The following TLL2 variants were observed in gnomAD, a reference collection of about 807,000 sequenced individuals.
The protein encoded by TLL2 is tolloid-like protein 2.
In TLL2, 106 loss-of-function variants were observed where a neutral mutation model predicts 123.0. The ratio of observed to expected loss-of-function variants is 0.86; its 90% CI spans 0.74 to 1.01. TLL2 has a LOEUF of 1.01. Ranked by LOEUF, TLL2 falls within the 50% of genes least tolerant of loss-of-function variation. The pLI, the probability that TLL2 is intolerant of heterozygous loss-of-function variation, is 0.00. For synonymous variants in TLL2, 494 were observed against 516.8 expected, an observed-to-expected ratio of 0.96 and a Z score of 0.60; for missense variants, 1,332 against 1,336.7, an observed-to-expected ratio of 1.00 and a Z score of 0.06.
chr10:96,455,473 C>G (rs1847003984), intron 2 of TLL2, among the ~76,000 whole-genome samples: 1 of 152,136 alleles, frequency 6.6e-6, no homozygotes, highest in Non-Finnish European at 1.5e-5. Flanking sequence ...TTCTTAGTCA[C>G]AGGATGAGAT....
intron 19 of TLL2, among the ~76,000 whole-genome samples, chr10:96,372,561 C>T (rs140409148): frequency 3.0e-4 from 46 of 152,308 alleles, no homozygotes; most frequent in Non-Finnish European, 5.6e-4. Context: ...GTTATAAGCA[C>T]GTACATTTCC....
rs1357965345 is a variant in TLL2 at position 96,513,865 on chromosome 10, A to C, written c.-180T>G. On this transcript the variant is annotated 5_prime_UTR_variant, in exon 1 of 21. Transcript: ENST00000357947. ...GGCGCCCCCTGTCTTCGTCGAGGCA[A>C]CCGGGAAGCAGCCGCTCGGAGCTAC... 3 of 634,296 alleles carry C rather than the reference A, an allele frequency of 4.7e-6. No homozygotes were observed. Among genetic ancestry groups the C allele is most frequent in the Non-Finnish European group, 7.3e-6 (3 of 409,128 alleles). The allele number at this position is 634,296 out of a possible 1,614,324, so 39.3% of individuals were successfully genotyped here. A position where few individuals can be genotyped will look rare whatever the true frequency, so the allele number is the denominator to read the frequency against.
At chr10:96,438,583 C>T (rs1846820298) in intron 3 of TLL2, among the ~76,000 whole-genome samples, 1 of 152,146 alleles carries the variant, frequency 6.6e-6, no homozygotes, top group African/African-American at 2.4e-5. Context: ...TCTATGTAGA[C>T]AAACATGTCA....
chr10:96,396,816 GC>G (rs1465279936), intron 11 of TLL2, among the ~76,000 whole-genome samples: 1 of 152,094 alleles, frequency 6.6e-6, no homozygotes, highest in African/African-American at 2.4e-5. Context: ...ACAAACAGAG[GC>G]CTAGAGAGGT....
intron 10 of TLL2, among the ~76,000 whole-genome samples, chr10:96,404,515 TA>T (rs1341857750): frequency 6.6e-6 from 1 of 152,228 alleles, no homozygotes; most frequent in African/African-American, 2.4e-5. Flanking sequence ...TTGAGATTTA[TA>T]TTGCAGATCA....
rs571240259 is a variant in TLL2 at position 96,463,690 on chromosome 10, C to A, written c.286+16659G>T. ...AGGGCATGCTGGGCCACCAGTGCAC[C>A]CAGCTCCAGCTCCCTTGGGACCTTC... On this transcript the variant is annotated intron_variant, in intron 2 of 20. Coordinates refer to ENST00000357947, the MANE Select transcript of TLL2 (RefSeq NM_012465.4). 4.0e-5 allele frequency among the ~76,000 whole-genome samples: 6 copies of A among 151,334 alleles called. No homozygotes were observed. The South Asian group carries it at 1.3e-3, about 32-fold the overall frequency.
chr10:96,439,330 GC>G (rs1438079325), intron 3 of TLL2, among the ~76,000 whole-genome samples: 1 of 150,888 alleles, frequency 6.6e-6, no homozygotes, highest in East Asian at 2.0e-4. Flanking sequence ...TGAACTCCTG[GC>G]CTCAAGTGAT....
chr10:96,372,349 G>A (rs538294473), intron 19 of TLL2, among the ~76,000 whole-genome samples: 45 of 152,298 alleles, frequency 3.0e-4, no homozygotes, highest in African/African-American at 1.1e-3. Context: ...TCCCATGATC[G>A]TGAGCTCAGA....
chr10:96,381,657 T>C (rs1250608949), intron 16 of TLL2, among the ~76,000 whole-genome samples: 1 of 152,200 alleles, frequency 6.6e-6, no homozygotes, highest in Non-Finnish European at 1.5e-5. Flanking sequence ...ACATTAGCCC[T>C]TGTTGCACCA....
At chr10:96,399,651 T>C (rs1846375020) in intron 10 of TLL2, among the ~76,000 whole-genome samples, 1 of 152,258 alleles carries the variant, frequency 6.6e-6, no homozygotes, top group South Asian at 2.1e-4. Flanking sequence ...CAAGTGATTT[T>C]TGGAAAATGA....
At chr10:96,513,346 T>A (rs1459451754) in intron 1 of TLL2, among the ~76,000 whole-genome samples, 165 bp downstream of exon 1, 3 of 151,770 alleles carry the variant, frequency 2.0e-5, no homozygotes, top group African/African-American at 7.3e-5. Flanking sequence ...AGCCTCGGAG[T>A]GGTTTTTAAG....
chr10:96,383,079 T>C (rs992709340), intron 16 of TLL2, among the ~76,000 whole-genome samples: 1 of 133,968 alleles, frequency 7.5e-6, no homozygotes, highest in Non-Finnish European at 1.6e-5. Flanking sequence ...GGGGGAACAG[T>C]GGGGGGATTA....
At chr10:96,407,049 T>C (rs116270225) in intron 9 of TLL2, among the ~76,000 whole-genome samples, 407 of 152,094 alleles carry the variant, frequency 2.7e-3, no homozygotes, top group African/African-American at 9.5e-3. Flanking sequence ...TAGATCAATA[T>C]TCCACTCATA....
intron 5 of TLL2, 86 bp from the exon 6 acceptor site, chr10:96,422,813 G>T: frequency 6.9e-7 from 1 of 1,457,964 alleles, no homozygotes; most frequent in Non-Finnish European, 9.5e-7. Context: ...CTGTATGTGT[G>T]TGCGTGTGTG....
At chr10:96,494,112 A>G (rs991487363) in intron 1 of TLL2, among the ~76,000 whole-genome samples, 3 of 152,128 alleles carry the variant, frequency 2.0e-5, no homozygotes, top group Non-Finnish European at 4.4e-5. Flanking sequence ...CCAGCCGGGG[A>G]CAGCCCGGGC....
Position 96,384,703 on chromosome 10 carries a change from C to A in TLL2, c.2078G>T (p.Arg693Met). The A allele has an allele frequency of 1.2e-6, 2 of 1,612,538 alleles. No individual in the cohort carries two copies. Among genetic ancestry groups the A allele is most frequent in the Non-Finnish European group, 1.7e-6 (2 of 1,178,982 alleles). Residue 693 changes from arginine to methionine, a missense_variant, in exon 16 of 21, where the codon AGG becomes ATG. By Grantham distance (91) the Arg-to-Met change is moderately conservative. Transcript: ENST00000357947. ...GLSPDAKLHGRFCGSETPEVI... is the reference protein window; with the variant it reads ...GLSPDAKLHGMFCGSETPEVI... ...CTCCGGCGTCTCAGAGCCGCAGAAC[C>A]TGCCGTGCAGCTTGGCGTCGGGGGA...
At chr10:96,509,468 G>A (rs912078347) in intron 1 of TLL2, among the ~76,000 whole-genome samples, 15 of 152,284 alleles carry the variant, frequency 9.9e-5, no homozygotes, top group Non-Finnish European at 1.3e-4. Context: ...CCTCAAAGGC[G>A]CTCCCAGTGG....
intron 10 of TLL2, among the ~76,000 whole-genome samples, chr10:96,404,685 C>G (rs1222495870): frequency 6.6e-6 from 1 of 151,966 alleles, no homozygotes; most frequent in Non-Finnish European, 1.5e-5. Flanking sequence ...TACATGTTAT[C>G]CTTGAAGCCA....
intron 7 of TLL2, among the ~76,000 whole-genome samples, chr10:96,414,657 C>A (rs1846536648): frequency 6.6e-6 from 1 of 152,182 alleles, no homozygotes; most frequent in South Asian, 2.1e-4. Context: ...CCAGGATCCT[C>A]TGCTGAGCCC....
Sources: allele counts gnomAD v4.1 joint callset (sites outside exome capture counted in the v4.1 genomes callset), GRCh38; gene constraint gnomAD v4.1.1; transcripts MANE v1.5; gene names NCBI Gene and HGNC (gene_info 2026-07-23, HGNC 2026-07-21).